SORCS2: variants seen among roughly 807,000 people sequenced by gnomAD.
The protein encoded by SORCS2 is VPS10 domain-containing receptor SorCS2.
Under a neutral mutation model 141.6 loss-of-function variants are expected in SORCS2, and 100 were observed. The ratio of observed to expected loss-of-function variants is 0.71; its 90% CI spans 0.60 to 0.83. The LOEUF (loss-of-function observed/expected upper bound fraction) is 0.83, where lower values mean the gene tolerates loss of function less well. Among genes scored for constraint, SORCS2 ranks in the 40% least tolerant of loss-of-function variants. The probability of loss-of-function intolerance (pLI) is 0.00; values close to 1 mark genes in which losing one functional copy is unlikely to be tolerated. For missense variants in SORCS2, 1,646 were observed against 1,560.2 expected (o/e 1.05, Z -0.93); for synonymous variants, 789 against 676.9 (o/e 1.17, Z -2.57).
intron 2 of SORCS2, among the ~76,000 whole-genome samples, chr4:7,412,548 T>C (rs1725386988): frequency 6.6e-6 from 1 of 152,084 alleles, no homozygotes; most frequent in Non-Finnish European, 1.5e-5. Flanking sequence ...AGATGCTCAG[T>C]GGAGATGGGG....
intron 1 of SORCS2, among the ~76,000 whole-genome samples, chr4:7,351,685 C>G (rs1474067734): frequency 4.5e-5 from 6 of 134,200 alleles, no homozygotes. Context: ...TTCCATCCGT[C>G]CATCCATCCA....
chr4:7,356,534 C>G (rs1721263929), intron 1 of SORCS2, among the ~76,000 whole-genome samples: 1 of 152,170 alleles, frequency 6.6e-6, no homozygotes, highest in Admixed American at 6.5e-5. Context: ...ATCTCTTCCT[C>G]CACTTATGAG....
chr4:7,413,912 T>C (rs1725494104), intron 2 of SORCS2, among the ~76,000 whole-genome samples: 1 of 152,148 alleles, frequency 6.6e-6, no homozygotes, highest in Non-Finnish European at 1.5e-5. Context: ...CCTATCGGAT[T>C]GCAGGGTGCT....
intron 8 of SORCS2, among the ~76,000 whole-genome samples, chr4:7,675,695 C>T (rs1311053360): frequency 6.6e-6 from 1 of 152,170 alleles, no homozygotes; most frequent in African/African-American, 2.4e-5. Flanking sequence ...AATCAACCAT[C>T]TGGGGGTGCA....
At chr4:7,369,147 A>G (rs1413379581) in intron 1 of SORCS2, among the ~76,000 whole-genome samples, 1 of 152,138 alleles carries the variant, frequency 6.6e-6, no homozygotes, top group East Asian at 1.9e-4. Flanking sequence ...TCTCCACTAA[A>G]AAATACAAAA....
chr4:7,405,609 A>C (rs903377620), intron 2 of SORCS2, among the ~76,000 whole-genome samples: 1 of 151,982 alleles, frequency 6.6e-6, no homozygotes, highest in Middle Eastern at 3.2e-3. Flanking sequence ...AGCTATTTTA[A>C]ATGGGATTGC....
chr4:7,338,111 T>TTGGA (rs1452561818), intron 1 of SORCS2, among the ~76,000 whole-genome samples: 11 of 39,562 alleles, frequency 2.8e-4, no homozygotes, highest in Non-Finnish European at 4.3e-4. Context: ...TGGATGGATG[T>TTGGA]TGGATGGATG....
intron 3 of SORCS2, among the ~76,000 whole-genome samples, chr4:7,540,986 A>G (rs569566119): frequency 4.6e-4 from 70 of 152,336 alleles, no homozygotes; most frequent in African/African-American, 1.6e-3. Context: ...TGGGGGTACA[A>G]TGCCAGGCAC....
chr4:7,223,513 T>A (rs947565214), intron 1 of SORCS2, among the ~76,000 whole-genome samples: 2 of 152,220 alleles, frequency 1.3e-5, no homozygotes, highest in African/African-American at 4.8e-5. Flanking sequence ...ACCCAATTAA[T>A]ACCCTTGGAT....
At chr4:7,418,456 A>G (rs1008640261) in intron 2 of SORCS2, among the ~76,000 whole-genome samples, 8 of 152,168 alleles carry the variant, frequency 5.3e-5, no homozygotes, top group African/African-American at 1.9e-4. Context: ...CAGACCACCC[A>G]TGCAAAGTCT....
chr4:7,532,109 C>T (rs1711709487), intron 3 of SORCS2, among the ~76,000 whole-genome samples: 1 of 152,182 alleles, frequency 6.6e-6, no homozygotes, highest in Non-Finnish European at 1.5e-5. Context: ...TGCTCTCTGG[C>T]TGGCTGTACA....
intron 3 of SORCS2, among the ~76,000 whole-genome samples, chr4:7,535,512 T>G (rs1382681300): frequency 1.3e-5 from 2 of 152,152 alleles, no homozygotes; most frequent in Admixed American, 6.5e-5. Flanking sequence ...GGCTTCCTCA[T>G]TGGTGAAATG....
chr4:7,271,868 G>A (rs552830579), intron 1 of SORCS2, among the ~76,000 whole-genome samples: 38 of 152,366 alleles, frequency 2.5e-4, no homozygotes, highest in African/African-American at 8.7e-4. Context: ...ATGGGCCCTG[G>A]ATGGGAGCCC....
At chr4:7,483,365 C>T (rs140557155) in intron 2 of SORCS2, among the ~76,000 whole-genome samples, 290 of 150,072 alleles carry the variant, frequency 1.9e-3, no homozygotes, top group Non-Finnish European at 3.5e-3. Flanking sequence ...AGCCACGTGA[C>T]GGATGAAGTG....
chr4:7,228,255 GT>G, intron 1 of SORCS2, among the ~76,000 whole-genome samples: 1 of 151,366 alleles, frequency 6.6e-6, no homozygotes, highest in South Asian at 2.1e-4. Context: ...GTCACGTTGG[GT>G]CAGGGCCCAT....
At chr4:7,428,577 G>A (rs754299782) in intron 2 of SORCS2, among the ~76,000 whole-genome samples, 2 of 152,192 alleles carry the variant, frequency 1.3e-5, no homozygotes, top group Non-Finnish European at 2.9e-5. Context: ...GGCCGGAGGT[G>A]ATGCTGGGCA....
chr4:7,705,112 G>A (rs539823399), intron 14 of SORCS2, among the ~76,000 whole-genome samples: 4 of 152,310 alleles, frequency 2.6e-5, no homozygotes, highest in South Asian at 2.1e-4. Flanking sequence ...GGAGTAGGGC[G>A]GACCCTGATC....
chr4:7,288,553 G>A (rs1263194452), intron 1 of SORCS2, among the ~76,000 whole-genome samples: 1 of 121,098 alleles, frequency 8.3e-6, no homozygotes, highest in East Asian at 2.9e-4. Flanking sequence ...CCAGGGGCGG[G>A]GGGCGGGGGG....
Position 7,596,823 on chromosome 4 carries a change from G to A in SORCS2, c.649-41505G>A, listed in dbSNP as rs112780042. Among the ~76,000 whole-genome samples, 67 of 152,212 alleles carry A rather than the reference G, an allele frequency of 4.4e-4. 1 individual carries two copies. The highest frequency in any genetic ancestry group is 1.4e-3 in the African/African-American group (57 of 41,538). The stretch of plus-strand genomic sequence containing the variant: ...ATGGAGCCTAGGAGGGGCTTGGACT[G>A]CTCAGGCCACGCAGTGAGCAGGCAG... On this transcript the variant is annotated intron_variant, in intron 3 of 26. Coordinates refer to ENST00000507866, the MANE Select transcript of SORCS2 (RefSeq NM_020777.3).
Sources: gnomAD v4.1 joint callset for allele counts (sites outside exome capture counted in the v4.1 genomes callset) on GRCh38, gnomAD v4.1.1 for gene constraint, MANE v1.5 for transcripts, NCBI Gene and HGNC (gene_info 2026-07-23, HGNC 2026-07-21) for gene names.